Variants in THSD7A observed in about 807,000 individuals in gnomAD.
THSD7A encodes the protein thrombospondin type-1 domain-containing protein 7A.
In THSD7A, 96 loss-of-function variants were observed where a neutral mutation model predicts 231.3. That is an observed-to-expected ratio of 0.41 (90% CI 0.35 to 0.49). The LOEUF is 0.49. Ranked by LOEUF, THSD7A falls within the 20% of genes least tolerant of loss-of-function variation. The pLI, the probability that THSD7A is intolerant of heterozygous loss-of-function variation, is 0.05. For missense variants in THSD7A, 2,290 were observed against 2,070.2 expected (o/e 1.11, Z -2.06); for synonymous variants, 940 against 743.3 (o/e 1.26, Z -4.30).
At chr7:11,791,347 TACTGG>T (rs1202585904) in intron 1 of THSD7A, among the ~76,000 whole-genome samples, 1 of 152,012 alleles carries the variant, frequency 6.6e-6, no homozygotes, top group African/African-American at 2.4e-5. Context: ...ATGGAAATTT[TACTGG>T]ACTGCTTTCC....
intron 4 of THSD7A, among the ~76,000 whole-genome samples, chr7:11,548,368 A>C (rs1030390119): frequency 5.9e-5 from 9 of 152,222 alleles, no homozygotes; most frequent in Admixed American, 5.9e-4. Context: ...AGTAATAAAA[A>C]ACCCTTACCA....
At chr7:11,534,617 G>A (rs1425314744) in intron 6 of THSD7A, among the ~76,000 whole-genome samples, 1 of 152,122 alleles carries the variant, frequency 6.6e-6, no homozygotes, top group Non-Finnish European at 1.5e-5. Flanking sequence ...TAAGTTTTGA[G>A]GTGGTTTGTT....
At chr7:11,607,007 T>G (rs1780753598) in intron 2 of THSD7A, among the ~76,000 whole-genome samples, 1 of 151,336 alleles carries the variant, frequency 6.6e-6, no homozygotes, top group African/African-American at 2.4e-5. Context: ...TAAAGTATAA[T>G]AATAAAAAAA....
rs1258099093 is a variant in THSD7A at position 11,800,567 on chromosome 7, T to C, written c.190+31190A>G. On this transcript the variant is annotated intron_variant, in intron 1 of 27. Coordinates refer to ENST00000423059, the MANE Select transcript of THSD7A (RefSeq NM_015204.3). The stretch of plus-strand genomic sequence containing the variant: ...CCCATCTCAAAAAAGAAAAAAAATA[T>C]CGTATTTGTAATAACATGGATGTAC... Among the ~76,000 whole-genome samples the C allele has an allele frequency of 2.0e-5, 3 of 151,970 alleles. No individual in the cohort carries two copies. In the South Asian group the frequency reaches 6.2e-4, roughly 32 times the overall value.
intron 1 of THSD7A, among the ~76,000 whole-genome samples, chr7:11,737,500 G>A (rs184958432): frequency 1.3e-5 from 2 of 152,094 alleles, no homozygotes; most frequent in African/African-American, 4.8e-5. Flanking sequence ...CTACACTCAC[G>A]CAGTTCCTGG....
chr7:11,375,803 G>A lies in THSD7A; in HGVS notation c.4965C>T (p.Ala1655=), dbSNP rs183786782. The A allele has an allele frequency of 3.5e-5, 56 of 1,611,960 alleles. 1 individual carries two copies. In the Admixed American group the frequency reaches 7.8e-4, roughly 23 times the overall value. Residue 1655 remains alanine (A), a synonymous_variant, in exon 28 of 28, where the codon GCC becomes GCT. Transcript: ENST00000423059. Reference sequence around the variant, plus strand: ...CAGGAAAAGTTATATGTTACATGTCGGCATCTCCATCATAGGCTAAGGTTA... The same window carrying A: ...CAGGAAAAGTTATATGTTACATGTCAGCATCTCCATCATAGGCTAAGGTTA... ...KPLTLAYDGD[A]DM is the part of the protein sequence containing the mutation.
At chr7:11,594,319 C>T (rs1258690026) in intron 2 of THSD7A, among the ~76,000 whole-genome samples, 1 of 152,116 alleles carries the variant, frequency 6.6e-6, no homozygotes, top group Non-Finnish European at 1.5e-5. Context: ...TTCTGTCCCT[C>T]TAGAGAACCC....
At chr7:11,821,305 C>G in intron 1 of THSD7A, 1 of 859,490 alleles carries the variant, frequency 1.2e-6, no homozygotes, top group South Asian at 1.3e-5. Context: ...CTATTGGAAA[C>G]CAACAGTTTT....
chr7:11,459,678 T>A (rs928667074), intron 11 of THSD7A, among the ~76,000 whole-genome samples: 10 of 139,474 alleles, frequency 7.2e-5, no homozygotes, highest in Non-Finnish European at 1.4e-4. Context: ...TTTTTTTTTT[T>A]TTTTTTTTTT....
chr7:11,802,246 C>G (rs1225896653), intron 1 of THSD7A, among the ~76,000 whole-genome samples: 2 of 152,180 alleles, frequency 1.3e-5, no homozygotes, highest in East Asian at 1.9e-4. Flanking sequence ...TTGACCCCTG[C>G]ATTATCATTG....
intron 23 of THSD7A, among the ~76,000 whole-genome samples, chr7:11,391,139 G>T (rs1035831866): frequency 1.1e-4 from 17 of 152,210 alleles, no homozygotes; most frequent in Non-Finnish European, 1.8e-4. Flanking sequence ...GAGATCTGCT[G>T]CTCTCTTCAG....
chr7:11,417,347 G>A, intron 17 of THSD7A, 103 bp downstream of exon 17: 1 of 1,172,774 alleles, frequency 8.5e-7, no homozygotes, highest in South Asian at 1.7e-5. Context: ...CAAACAAACA[G>A]ATTTTACATT....
intron 6 of THSD7A, among the ~76,000 whole-genome samples, chr7:11,507,867 A>G (rs1378389529): frequency 6.6e-6 from 1 of 152,198 alleles, no homozygotes; most frequent in Admixed American, 6.5e-5. Context: ...CTTATGTATT[A>G]ATCTGTGCTC....
At chr7:11,606,130 T>C (rs761714280) in intron 2 of THSD7A, among the ~76,000 whole-genome samples, 11 of 152,208 alleles carry the variant, frequency 7.2e-5, no homozygotes, top group Admixed American at 3.3e-4. Flanking sequence ...TCAGAATAAA[T>C]ACTGAGGCAA....
chr7:11,801,234 ATGTTGC>A (rs200814451), intron 1 of THSD7A, among the ~76,000 whole-genome samples: 1,763 of 152,248 alleles, frequency 0.012, 31 homozygotes, highest in African/African-American at 0.04. Flanking sequence ...AAAAGAAGTT[ATGTTGC>A]TGGATGTAAT....
chr7:11,642,955 T>A (rs1040506440), intron 1 of THSD7A, among the ~76,000 whole-genome samples: 4 of 152,100 alleles, frequency 2.6e-5, no homozygotes, highest in African/African-American at 7.2e-5. Context: ...CTACTTTTTA[T>A]ATGTCAAGGG....
At chr7:11,403,126 A>ATGAT (rs540683389) in intron 22 of THSD7A, among the ~76,000 whole-genome samples, 4 of 152,298 alleles carry the variant, frequency 2.6e-5, no homozygotes, top group East Asian at 1.9e-4. Context: ...ACAGTCAATT[A>ATGAT]TGATAGACAC....
intron 1 of THSD7A, among the ~76,000 whole-genome samples, chr7:11,653,443 C>CA (rs1258923424): frequency 3.3e-5 from 4 of 120,276 alleles, no homozygotes; most frequent in Non-Finnish European, 7.2e-5. Context: ...GATCCACTCC[C>CA]AGATATGTGT....
chr7:11,755,755 G>C (rs1460184245), intron 1 of THSD7A, among the ~76,000 whole-genome samples: 1 of 152,036 alleles, frequency 6.6e-6, no homozygotes, highest in Non-Finnish European at 1.5e-5. Flanking sequence ...CATTTTGCTT[G>C]TTTTAGTATG....
Sources: allele counts gnomAD v4.1 joint callset (sites outside exome capture counted in the v4.1 genomes callset), GRCh38; gene constraint gnomAD v4.1.1; transcripts MANE v1.5; gene names NCBI Gene and HGNC (gene_info 2026-07-23, HGNC 2026-07-21).